Variants in DCDC2 observed in about 807,000 individuals in gnomAD.
DCDC2 encodes doublecortin domain-containing protein 2.
A neutral mutation model predicts 50.2 loss-of-function variants in DCDC2; 40 were observed. That is an observed-to-expected ratio of 0.80 (90% CI 0.62 to 1.04). The LOEUF is 1.04. Among genes scored for constraint, DCDC2 ranks in the 50% least tolerant of loss-of-function variants. DCDC2 has a pLI of 0.00. For synonymous variants in DCDC2, 234 were observed against 210.6 expected (o/e 1.11, Z -0.96); for missense variants, 570 against 581.9 (o/e 0.98, Z 0.21).
chr6:24,346,186 C>T (rs1760251399), intron 2 of DCDC2, among the ~76,000 whole-genome samples: 1 of 151,472 alleles, frequency 6.6e-6, no homozygotes, highest in African/African-American at 2.4e-5. Context: ...TTACTGCTGA[C>T]CCTGAGAACA....
chr6:24,296,936 G>A lies in DCDC2; in HGVS notation c.557+4779C>T, dbSNP rs143829731. On this transcript the variant is annotated intron_variant, in intron 4 of 9. Transcript: ENST00000378454. ...TCAGAGAGCTAAAAACAGAACTACCGTTTGACCCAGCAATCCCATTACTGG... is the reference window on the plus strand; with the variant it reads ...TCAGAGAGCTAAAAACAGAACTACCATTTGACCCAGCAATCCCATTACTGG... 3.7e-3 allele frequency among the ~76,000 whole-genome samples: 558 copies of A among 152,180 alleles called. 1 individual carries two copies. Among genetic ancestry groups the A allele is most frequent in the Middle Eastern group, 0.014 (4 of 294 alleles).
rs561576264 is a variant in DCDC2, at chr6:24,257,476, T to A, written c.922+20573A>T. Among the ~76,000 whole-genome samples the A allele has an allele frequency of 2.0e-5, 3 of 152,262 alleles. No individual in the cohort carries two copies. The East Asian group carries it at 5.8e-4, about 29-fold the overall frequency. ...ACACCTGCTGTTGTAATACACCTGCTGTAAAGTTGTGTCCCACTAGGAGGC... is the reference window on the plus strand; with the variant it reads ...ACACCTGCTGTTGTAATACACCTGCAGTAAAGTTGTGTCCCACTAGGAGGC... On this transcript the variant is annotated intron_variant, in intron 7 of 9. Transcript: ENST00000378454.
chr6:24,224,747 C>T (rs1762191911), intron 7 of DCDC2, among the ~76,000 whole-genome samples: 1 of 152,174 alleles, frequency 6.6e-6, no homozygotes, highest in Admixed American at 6.5e-5. Flanking sequence ...CTCTCAGCTA[C>T]CAGCTCCCTC....
At chr6:24,302,475 T>C (rs1362867789) in intron 2 of DCDC2, among the ~76,000 whole-genome samples, 1 of 152,152 alleles carries the variant, frequency 6.6e-6, no homozygotes, top group African/African-American at 2.4e-5. Context: ...ACCTGCTTTC[T>C]GATCCTTGGC....
chr6:24,248,550 C>T (rs923324380), intron 7 of DCDC2, among the ~76,000 whole-genome samples: 3 of 152,136 alleles, frequency 2.0e-5, no homozygotes, highest in African/African-American at 4.8e-5. Context: ...TTTTGTGGCA[C>T]AATTTCCTGA....
chr6:24,369,778 T>C, the DCDC2 span, among the ~76,000 whole-genome samples: 1 of 152,170 alleles, frequency 6.6e-6, no homozygotes, highest in Non-Finnish European at 1.5e-5. Context: ...CAGTGGCTCA[T>C]GCCTATATTC....
chr6:24,278,954 C>T (rs1016245236), intron 6 of DCDC2, among the ~76,000 whole-genome samples: 15 of 152,158 alleles, frequency 9.9e-5, no homozygotes, highest in Admixed American at 8.5e-4. Context: ...GAGGGAGCTG[C>T]GCAGCTGCTT....
chr6:24,318,732 A>C (rs970092859), intron 2 of DCDC2, among the ~76,000 whole-genome samples: 3 of 151,728 alleles, frequency 2.0e-5, no homozygotes, highest in Non-Finnish European at 4.4e-5. Flanking sequence ...CAAAAGACAT[A>C]ATTTCATTCT....
At chr6:24,204,978 T>C (rs1325621905) in intron 8 of DCDC2, 24 bp downstream of exon 8, 1 of 1,598,276 alleles carries the variant, frequency 6.3e-7, no homozygotes, top group Non-Finnish European at 8.5e-7. Flanking sequence ...GTCTTACACA[T>C]ATTTTTTAAG....
intron 7 of DCDC2, among the ~76,000 whole-genome samples, chr6:24,211,411 C>T (rs530883996): frequency 6.6e-6 from 1 of 152,138 alleles, no homozygotes; most frequent in South Asian, 2.1e-4. Flanking sequence ...GAATAATGCC[C>T]CCCACCCCCA....
intron 7 of DCDC2, among the ~76,000 whole-genome samples, chr6:24,222,458 A>C (rs1762141178): frequency 6.6e-6 from 1 of 152,212 alleles, no homozygotes; most frequent in South Asian, 2.1e-4. Flanking sequence ...AGCTGTTGGA[A>C]TCCTTCTGTA....
chr6:24,358,839 A>ATTTATTTATC, upstream of DCDC2, among the ~76,000 whole-genome samples: 1 of 22,772 alleles, frequency 4.4e-5, no homozygotes, highest in Non-Finnish European at 6.7e-5. Context: ...ATTTATATAT[A>ATTTATTTATC]TATTTATATA....
At chr6:24,330,889 A>G (rs1759952919) in intron 2 of DCDC2, among the ~76,000 whole-genome samples, 1 of 152,230 alleles carries the variant, frequency 6.6e-6, no homozygotes, top group Non-Finnish European at 1.5e-5. Flanking sequence ...GCAGTTTTAG[A>G]AACTAGGCAT....
chr6:24,192,169 C>G (rs1761327640), intron 8 of DCDC2, among the ~76,000 whole-genome samples: 1 of 152,136 alleles, frequency 6.6e-6, no homozygotes, highest in South Asian at 2.1e-4. Context: ...AACAAGGGGA[C>G]TATACTGAAA....
intron 7 of DCDC2, among the ~76,000 whole-genome samples, chr6:24,245,502 G>A (rs1375826572): frequency 2.0e-5 from 3 of 152,142 alleles, no homozygotes; most frequent in African/African-American, 7.2e-5. Context: ...CTAGTCAAGT[G>A]GTCAAGAAAA....
the DCDC2 span, among the ~76,000 whole-genome samples, chr6:24,368,254 T>G: frequency 6.6e-6 from 1 of 152,042 alleles, no homozygotes; most frequent in Non-Finnish European, 1.5e-5. Context: ...TAATCAAAAT[T>G]CCAGAAGGAG....
chr6:24,355,153 A>G (rs947322269), intron 1 of DCDC2, among the ~76,000 whole-genome samples: 3 of 152,170 alleles, frequency 2.0e-5, no homozygotes, highest in Non-Finnish European at 4.4e-5. Context: ...CAGCATGGAA[A>G]CCTAACCATG....
In DCDC2 at chr6:24,303,024, C is replaced by G. The variant is rs142900603; in HGVS notation, c.349-980G>C. On this transcript the variant is annotated intron_variant, in intron 2 of 9. Coordinates refer to ENST00000378454, the MANE Select transcript of DCDC2 (RefSeq NM_016356.5). ...CATTTTTCTCCTTTTCTGCCTGTCT[C>G]AGAAGGAACTATATGCCTTTAGGAA... 3.1e-3 allele frequency among the ~76,000 whole-genome samples: 477 copies of G among 152,134 alleles called. 3 individuals carry two copies. Among genetic ancestry groups the G allele is most frequent in the Non-Finnish European group, 5.3e-3 (362 of 68,018 alleles).
At chr6:24,237,867 A>G (rs1410814459) in intron 7 of DCDC2, among the ~76,000 whole-genome samples, 2 of 151,812 alleles carry the variant, frequency 1.3e-5, no homozygotes, top group African/African-American at 4.8e-5. Flanking sequence ...GGAGCTGAAC[A>G]TTGAGTATGC....
Sources: gnomAD v4.1 joint callset for allele counts (sites outside exome capture counted in the v4.1 genomes callset) on GRCh38, gnomAD v4.1.1 for gene constraint, MANE v1.5 for transcripts, NCBI Gene and HGNC (gene_info 2026-07-23, HGNC 2026-07-21) for gene names.